Variants in CENPE observed in about 807,000 individuals in gnomAD.
CENPE encodes the protein centromere protein E.
A neutral mutation model predicts 336.1 loss-of-function variants in CENPE; 145 were observed. That is an observed-to-expected ratio of 0.43 (90% CI 0.38 to 0.50). The LOEUF (loss-of-function observed/expected upper bound fraction) is 0.50. CENPE is among the 20% of genes least tolerant of loss of function. The probability of loss-of-function intolerance (pLI) is 0.00; values close to 1 mark genes in which losing one functional copy is unlikely to be tolerated. For synonymous variants in CENPE, 1,013 were observed against 984.8 expected, an observed-to-expected ratio of 1.03 and a Z score of -0.54; for missense variants, 2,719 against 3,023.3, an observed-to-expected ratio of 0.90 and a Z score of 2.36.
chr4:103,108,043 T>A (rs1368218039), intron 48 of CENPE, among the ~76,000 whole-genome samples: 2 of 152,140 alleles, frequency 1.3e-5, no homozygotes, highest in African/African-American at 4.8e-5. Context: ...CACACCATAT[T>A]TCTTTCAACT....
intron 43 of CENPE, among the ~76,000 whole-genome samples, chr4:103,121,543 TTC>T (rs1417261960): frequency 1.3e-5 from 2 of 150,658 alleles, no homozygotes; most frequent in African/African-American, 4.9e-5. Context: ...CATCTTTTCT[TTC>T]TTTCTTTTTT....
At chr4:103,197,484 T>G (rs113120129) in intron 1 of CENPE, among the ~76,000 whole-genome samples, 49 of 152,366 alleles carry the variant, frequency 3.2e-4, no homozygotes, top group African/African-American at 1.1e-3. Context: ...GGTTTCTTTA[T>G]GTAGCCGTTT....
intron 39 of CENPE, 71 bp downstream of exon 39, chr4:103,138,280 C>T: frequency 1.0e-6 from 1 of 995,244 alleles, no homozygotes; most frequent in South Asian, 1.3e-5. Flanking sequence ...TCCTTCAATC[C>T]CACTTCAGGT....
At chr4:103,178,060 T>G (rs1756028861) in intron 13 of CENPE, among the ~76,000 whole-genome samples, 1 of 148,592 alleles carries the variant, frequency 6.7e-6, no homozygotes, top group African/African-American at 2.5e-5. Flanking sequence ...TTTTTTGCCA[T>G]CTCCCTCTTG....
chr4:103,157,619 T>C (rs1458882622), intron 24 of CENPE, among the ~76,000 whole-genome samples: 1 of 152,008 alleles, frequency 6.6e-6, no homozygotes, highest in Admixed American at 6.6e-5. Flanking sequence ...GGTATAGTTT[T>C]GGTTTTGCAA....
chr4:103,136,073 G>T, intron 40 of CENPE, 68 bp downstream of exon 40: 3 of 1,298,976 alleles, frequency 2.3e-6, no homozygotes, highest in Non-Finnish European at 3.2e-6. Context: ...GGCACCTGAA[G>T]CAGGACTTAA....
intron 33 of CENPE, among the ~76,000 whole-genome samples, chr4:103,143,613 A>G (rs1237915113): frequency 6.6e-6 from 1 of 152,156 alleles, no homozygotes; most frequent in Non-Finnish European, 1.5e-5. Context: ...TCACCCTTCA[A>G]ATCAGCACTA....
At position 103,122,919 on chromosome 4, in the gene CENPE, G is replaced by A. The variant is rs1200178825; in HGVS notation, c.7095C>T (p.Asp2365=). ...SGAQVNPTTQ[D]NKNPHVTSRA... ...TTGATGTAACATGAGGATTCTTATTGTCTTGTGTGGTAGGATTAACCTGGG... is the reference window on the plus strand; with the variant it reads ...TTGATGTAACATGAGGATTCTTATTATCTTGTGTGGTAGGATTAACCTGGG... The change falls in exon 43 of 49, where the codon GAC becomes GAT. Residue 2365 remains aspartate, a synonymous_variant. Coordinates refer to ENST00000265148, the MANE Select transcript of CENPE (RefSeq NM_001813.3). 9.9e-6 allele frequency: 16 copies of A among 1,613,810 alleles called. No homozygotes were observed. In the South Asian group the frequency reaches 1.8e-4, roughly 18 times the overall value.
intron 8 of CENPE, among the ~76,000 whole-genome samples, chr4:103,186,437 T>C (rs1335623632): frequency 1.3e-5 from 2 of 152,256 alleles, no homozygotes; most frequent in African/African-American, 4.8e-5. Context: ...GACTTATAGA[T>C]ACGACTTACA....
At chr4:103,185,731 T>G (rs1756712382) in intron 9 of CENPE, 79 bp downstream of exon 9, 2 of 821,538 alleles carry the variant, frequency 2.4e-6, no homozygotes, top group South Asian at 4.0e-5. Flanking sequence ...TATCAATTTC[T>G]AAAAATGCCT....
At position 103,147,281 on chromosome 4, in the gene CENPE, T is replaced by C; in HGVS notation, c.4134+75A>G. Reference sequence around the variant, plus strand: ...GGTAACATAATTATAATACAAACATTATAACTATAACACAAACACAAGCCT... The same window carrying C: ...GGTAACATAATTATAATACAAACATCATAACTATAACACAAACACAAGCCT... On this transcript the variant is annotated intron_variant, in intron 29 of 48. Transcript: ENST00000265148. 4.7e-6 allele frequency: 6 copies of C among 1,270,616 alleles called. No individual in the cohort carries two copies. In the South Asian group the frequency reaches 8.8e-5, roughly 19 times the overall value. 78.7% of individuals were successfully genotyped at this position (1,270,616 alleles called of 1,614,324 possible). A position where few individuals can be genotyped will look rare whatever the true frequency, so the allele number is the denominator to read the frequency against.
chr4:103,160,870 C>G lies in CENPE; in HGVS notation c.2132-91G>C, dbSNP rs1428720955. 2.5e-6 allele frequency: 3 copies of G among 1,178,044 alleles called. No homozygotes were observed. In the African/African-American group the frequency reaches 4.7e-5, roughly 18 times the overall value. The allele number at this position is 1,178,044 out of a possible 1,614,324, so 73.0% of individuals were successfully genotyped here. On this transcript the variant is annotated intron_variant, in intron 20 of 48. Transcript: ENST00000265148. ...GTCCTTGAATCACCTTTTTCAGGAT[C>G]AGGTAAAGTTTATTTGAAAAATAAT...
intron 38 of CENPE, among the ~76,000 whole-genome samples, chr4:103,139,344 T>C (rs1752343621): frequency 6.6e-6 from 1 of 152,142 alleles, no homozygotes; most frequent in South Asian, 2.1e-4. Flanking sequence ...TATCTATAAA[T>C]AGTCATACCA....
intron 21 of CENPE, among the ~76,000 whole-genome samples, chr4:103,160,011 T>C (rs1254508342): frequency 1.3e-5 from 2 of 151,890 alleles, no homozygotes; most frequent in Non-Finnish European, 2.9e-5. Context: ...GGCTCAATTA[T>C]GAGTTTGATA....
In CENPE at chr4:103,159,179, T is replaced by A. The variant is rs548098501; in HGVS notation, c.2432A>T (p.Asn811Ile). 1 of 1,612,764 alleles carries A rather than the reference T, an allele frequency of 6.2e-7. No homozygotes were observed. Among genetic ancestry groups the A allele is most frequent in the South Asian group, 1.1e-5 (1 of 90,930 alleles). The change falls in exon 22 of 49, where the codon AAT becomes ATT. Residue 811 changes from asparagine (N) to isoleucine (I), a missense_variant. By Grantham distance (149) the Asn-to-Ile change is moderately radical. This residue lies in a region of CENPE where 2,437 missense variants were observed against 2,513.3 expected (regional missense o/e 0.97). Coordinates refer to ENST00000265148, the MANE Select transcript of CENPE (RefSeq NM_001813.3). ...GAATTCTTGATCAGTGCTTTTATAA[T>A]TCGACTGTGTAGTTGCTAGGTCATC... ...TKDDLATTQS[N>I]YKSTDQEFQN...
chr4:103,141,222 T>C (rs1169707353), intron 35 of CENPE, 118 bp from the exon 36 acceptor site: 1 of 619,188 alleles, frequency 1.6e-6, no homozygotes, highest in Non-Finnish European at 2.7e-6. Flanking sequence ...TCCTGCACAA[T>C]TCCACACAGA....
intron 24 of CENPE, among the ~76,000 whole-genome samples, chr4:103,157,494 C>T (rs891817810): frequency 3.3e-5 from 5 of 151,966 alleles, no homozygotes; most frequent in African/African-American, 7.2e-5. Flanking sequence ...AAGATAAATA[C>T]TGCATGATTC....
chr4:103,116,226 C>G (rs1403382259), intron 45 of CENPE: 1 of 149,196 alleles, frequency 6.7e-6, no homozygotes, highest in East Asian at 2.0e-4. Context: ...AGAGAACCAA[C>G]AGAAGCCTTA....
chr4:103,187,684 C>T (rs1364255281), intron 8 of CENPE, among the ~76,000 whole-genome samples: 1 of 152,208 alleles, frequency 6.6e-6, no homozygotes, highest in African/African-American at 2.4e-5. Context: ...GTAATAGCCA[C>T]TGCAAAAACA....
Sources: gnomAD v4.1 joint callset for allele counts (sites outside exome capture counted in the v4.1 genomes callset) on GRCh38, gnomAD v4.1.1 for gene constraint, gnomAD v4.1.1 regional missense constraint, MANE v1.5 for transcripts, NCBI Gene and HGNC (gene_info 2026-07-23, HGNC 2026-07-21) for gene names.